The following NHS variants were observed in gnomAD, a reference collection of about 807,000 sequenced individuals.
NHS encodes the protein NHS actin remodeling regulator.
In NHS, 5 loss-of-function variants were observed where a neutral mutation model predicts 72.5. That is an observed-to-expected ratio of 0.07 (90% CI 0.04 to 0.14). NHS has a LOEUF of 0.14. Among genes scored for constraint, NHS ranks in the 10% least tolerant of loss-of-function variants. The pLI, the probability that NHS is intolerant of heterozygous loss-of-function variation, is 1.00. For synonymous variants in NHS, 464 were observed against 547.7 expected (o/e 0.85, Z 2.13); for missense variants, 1,072 against 1,355.7 (o/e 0.79, Z 3.29).
At chrX:17,525,483 T>C (rs764630460) in intron 1 of NHS, among the ~76,000 whole-genome samples, 4 of 112,105 alleles carry the variant, frequency 3.6e-5, no homozygotes, top group Non-Finnish European at 7.5e-5. Flanking sequence ...CTTTTTGGAA[T>C]GTTAAAGCAG....
At chrX:17,451,241 C>T (rs1288748764) in intron 1 of NHS, among the ~76,000 whole-genome samples, 1 of 111,896 alleles carries the variant, frequency 8.9e-6, no homozygotes, top group African/African-American at 3.2e-5. Context: ...TATTGTATTT[C>T]TGTTTGTTTC....
rs780398797 is a variant in NHS at position 17,663,770 on chromosome X, G to C, written c.566-23972G>C. Among the ~76,000 whole-genome samples, 3 of 111,770 alleles carry C rather than the reference G, an allele frequency of 2.7e-5. No individual in the cohort carries two copies. The East Asian group carries it at 8.4e-4, about 31-fold the overall frequency. On this transcript the variant is annotated intron_variant, in intron 1 of 8. Transcript: ENST00000676302. The stretch of plus-strand genomic sequence containing the variant: ...TAGTTATAGGGTAAATGTATGTTTA[G>C]TTTTATAAGAAACTGGCAGAGATTC...
chrX:17,676,414 A>T (rs775367070), intron 1 of NHS, among the ~76,000 whole-genome samples: 5 of 112,156 alleles, frequency 4.5e-5, no homozygotes, highest in African/African-American at 1.6e-4. Flanking sequence ...GCTCTCAAGA[A>T]ACTATGAGTA....
At chrX:17,619,988 C>G (rs1053091098) in intron 1 of NHS, among the ~76,000 whole-genome samples, 2 of 110,168 alleles carry the variant, frequency 1.8e-5, no homozygotes, top group Admixed American at 1.9e-4. Context: ...GTGTTGTGTC[C>G]CCAGCATTCT....
chrX:17,555,289 C>T (rs1225495950), intron 1 of NHS, among the ~76,000 whole-genome samples: 2 of 105,453 alleles, frequency 1.9e-5, no homozygotes, highest in African/African-American at 7.0e-5. Context: ...GTTTATCTGT[C>T]CCCTCACTAG....
intron 3 of NHS, among the ~76,000 whole-genome samples, chrX:17,698,668 T>A: frequency 8.9e-6 from 1 of 112,167 alleles, no homozygotes; most frequent in East Asian, 2.8e-4. Flanking sequence ...TCATGATTAT[T>A]GATTCAAAAA....
intron 1 of NHS, among the ~76,000 whole-genome samples, chrX:17,384,005 T>C (rs1159922030): frequency 1.8e-5 from 2 of 112,015 alleles, no homozygotes; most frequent in Non-Finnish European, 3.8e-5. Context: ...CCCCAGGAGA[T>C]CCAAACTACC....
intron 1 of NHS, among the ~76,000 whole-genome samples, chrX:17,417,612 C>G (rs2064602920): frequency 8.9e-6 from 1 of 111,801 alleles, no homozygotes; most frequent in African/African-American, 3.2e-5. Context: ...AAGTTTTTAG[C>G]AATAATTTTA....
intron 1 of NHS, among the ~76,000 whole-genome samples, chrX:17,609,837 T>C (rs1027319637): frequency 1.8e-5 from 2 of 111,094 alleles, no homozygotes; most frequent in African/African-American, 6.6e-5. Flanking sequence ...AGCTGTTGGT[T>C]ACTGGATTTG....
intron 3 of NHS, among the ~76,000 whole-genome samples, chrX:17,712,915 G>C (rs1449397701): frequency 1.8e-5 from 2 of 111,579 alleles, no homozygotes; most frequent in Admixed American, 1.9e-4. Context: ...TTAAAACAGA[G>C]AAAGCATAGG....
chrX:17,597,090 C>T (rs1164755547), intron 1 of NHS, among the ~76,000 whole-genome samples: 4 of 104,928 alleles, frequency 3.8e-5, no homozygotes, highest in Admixed American at 3.1e-4. Flanking sequence ...TCATACACGG[C>T]TTCAGGAACT....
chrX:17,384,435 C>T (rs2064395302), intron 1 of NHS, among the ~76,000 whole-genome samples: 1 of 112,438 alleles, frequency 8.9e-6, no homozygotes, highest in Admixed American at 9.4e-5. Context: ...AACAGCATCA[C>T]ATTTCTTTCT....
chrX:17,571,915 C>T (rs898244173), intron 1 of NHS, among the ~76,000 whole-genome samples: 7 of 111,997 alleles, frequency 6.3e-5, no homozygotes, highest in African/African-American at 9.7e-5. Context: ...GCCTTGATTT[C>T]GTTATGTACC....
intron 3 of NHS, among the ~76,000 whole-genome samples, chrX:17,718,568 G>A (rs2066380600): frequency 1.0e-5 from 1 of 97,735 alleles, no homozygotes; most frequent in Non-Finnish European, 2.1e-5. Flanking sequence ...AGGAAGGAAG[G>A]AGGGAAAGAA....
chrX:17,380,573 G>A (rs1232511042), intron 1 of NHS, among the ~76,000 whole-genome samples: 2 of 110,597 alleles, frequency 1.8e-5, no homozygotes, highest in Admixed American at 9.6e-5. Flanking sequence ...GGGTGGTCTC[G>A]AACTCTTGCG....
intron 1 of NHS, among the ~76,000 whole-genome samples, chrX:17,417,459 T>TAA (rs2064602422): frequency 8.9e-6 from 1 of 112,067 alleles, no homozygotes; most frequent in African/African-American, 3.2e-5. Flanking sequence ...TTAGGGTAGA[T>TAA]AAGCAGAGCA....
chrX:17,698,225 AAG>A (rs764993947), intron 3 of NHS, among the ~76,000 whole-genome samples: 1 of 111,886 alleles, frequency 8.9e-6, no homozygotes, highest in African/African-American at 3.2e-5. Context: ...GACCAAGAAA[AAG>A]AGAGAGAAAA....
intron 1 of NHS, among the ~76,000 whole-genome samples, chrX:17,566,275 A>T (rs1242639860): frequency 1.8e-5 from 2 of 111,320 alleles, no homozygotes; most frequent in Non-Finnish European, 3.8e-5. Context: ...GAGCCACCGT[A>T]TACTGCCTGA....
chrX:17,615,241 T>C (rs1409215413), intron 1 of NHS, among the ~76,000 whole-genome samples: 1 of 91,515 alleles, frequency 1.1e-5, no homozygotes, highest in African/African-American at 5.2e-5. Context: ...TATATACGTA[T>C]ATATATACAC....
Sources: allele counts gnomAD v4.1 joint callset (sites outside exome capture counted in the v4.1 genomes callset), GRCh38; gene constraint gnomAD v4.1.1; transcripts MANE v1.5; gene names NCBI Gene and HGNC (gene_info 2026-07-23, HGNC 2026-07-21).